FNBP1: variants seen among roughly 807,000 people sequenced by gnomAD.
FNBP1 encodes the protein formin binding protein 1.
FNBP1 carries 26 observed loss-of-function variants against 90.6 expected under a neutral mutation model. The observed-to-expected ratio is 0.29, with a 90% CI of 0.21 to 0.40. The LOEUF (loss-of-function observed/expected upper bound fraction) is 0.40. Among genes scored for constraint, FNBP1 ranks in the 10% least tolerant of loss-of-function variants. The pLI is 1.00. For missense variants in FNBP1, 635 were observed against 768.0 expected (o/e 0.83, Z 2.05); for synonymous variants, 260 against 265.2 (o/e 0.98, Z 0.19).
chr9:130,019,299 CAAAA>C (rs377349862), intron 1 of FNBP1, among the ~76,000 whole-genome samples: 2 of 79,180 alleles, frequency 2.5e-5, no homozygotes, highest in Non-Finnish European at 2.6e-5. Flanking sequence ...GACTCTGTCT[CAAAA>C]AAAAAAAAAA....
chr9:130,033,229 C>T (rs535324427), intron 1 of FNBP1, among the ~76,000 whole-genome samples: 1 of 152,264 alleles, frequency 6.6e-6, no homozygotes, highest in African/African-American at 2.4e-5. Flanking sequence ...AAGCATCATA[C>T]CATACTTTAT....
intron 11 of FNBP1, chr9:129,910,024 C>A (rs991897770): frequency 5.0e-6 from 2 of 396,384 alleles, no homozygotes; most frequent in African/African-American, 2.1e-5. Context: ...ATTTTGATAT[C>A]TTGATTCCCT....
chr9:129,986,663 G>A (rs1227344880), intron 2 of FNBP1, among the ~76,000 whole-genome samples: 3 of 151,878 alleles, frequency 2.0e-5, no homozygotes, highest in East Asian at 1.9e-4. Context: ...GGTGGCGGGC[G>A]CCTGTAGTCC....
chr9:129,917,156 G>A (rs2040387970), intron 10 of FNBP1, among the ~76,000 whole-genome samples: 1 of 152,046 alleles, frequency 6.6e-6, no homozygotes, highest in African/African-American at 2.4e-5. Context: ...GGGATTACAG[G>A]TGCCTGCCAC....
At chr9:130,010,578 C>T (rs988159715) in intron 1 of FNBP1, among the ~76,000 whole-genome samples, 3 of 152,030 alleles carry the variant, frequency 2.0e-5, no homozygotes, top group African/African-American at 7.2e-5. Flanking sequence ...CTTTACTTGA[C>T]GTGGTCATAG....
intron 1 of FNBP1, chr9:130,013,599 C>G: frequency 2.4e-6 from 1 of 419,976 alleles, no homozygotes. Flanking sequence ...GGTTTAGGAG[C>G]TAGACAATAA....
intron 6 of FNBP1, among the ~76,000 whole-genome samples, chr9:129,930,375 A>C (rs747282137): frequency 1.3e-5 from 2 of 152,078 alleles, no homozygotes; most frequent in African/African-American, 2.4e-5. Flanking sequence ...GAAATCCATG[A>C]ATTTTTAAAC....
At chr9:129,962,926 A>G (rs2048032783) in intron 4 of FNBP1, among the ~76,000 whole-genome samples, 1 of 152,110 alleles carries the variant, frequency 6.6e-6, no homozygotes, top group Admixed American at 6.5e-5. Flanking sequence ...ATTTCAAACC[A>G]TCTGGGCTCA....
At chr9:129,983,257 G>C (rs1489421391) in intron 2 of FNBP1, among the ~76,000 whole-genome samples, 7 of 152,104 alleles carry the variant, frequency 4.6e-5, no homozygotes, top group Admixed American at 4.6e-4. Flanking sequence ...CCTTGTAGGT[G>C]ATATACTGAA....
intron 6 of FNBP1, among the ~76,000 whole-genome samples, chr9:129,941,333 G>T (rs2044293089): frequency 6.6e-6 from 1 of 152,184 alleles, no homozygotes; most frequent in South Asian, 2.1e-4. Context: ...AGGCTGCAGT[G>T]AGCCAAGACT....
chr9:129,907,822 G>A (rs1043484638), intron 12 of FNBP1, among the ~76,000 whole-genome samples: 4 of 151,972 alleles, frequency 2.6e-5, no homozygotes, highest in Admixed American at 6.6e-5. Context: ...TCCGCCTCCC[G>A]GGTTCATGCC....
chr9:129,954,775 T>A (rs2046662802), intron 6 of FNBP1, among the ~76,000 whole-genome samples: 1 of 152,176 alleles, frequency 6.6e-6, no homozygotes, highest in South Asian at 2.1e-4. Flanking sequence ...GGCTGGTGGA[T>A]CACCTGAGGT....
chr9:129,986,903 A>T (rs1043128347), intron 2 of FNBP1, among the ~76,000 whole-genome samples: 1 of 152,126 alleles, frequency 6.6e-6, no homozygotes, highest in Non-Finnish European at 1.5e-5. Flanking sequence ...AAACATTCAG[A>T]CATAATCAAA....
rs1491234955 is a variant in FNBP1, at chr9:129,889,586, A to AAG, written c.*952_*953insCT. ...CTCCCGTCTCAAAAAAAAAAAAAAA[A>AAG]CAACAACAAAAAAGGAAGTGCTACC... is the stretch of plus-strand genomic sequence containing the variant. On this transcript the variant is annotated 3_prime_UTR_variant, in exon 17 of 17. Coordinates refer to ENST00000446176, the MANE Select transcript of FNBP1 (RefSeq NM_015033.3). The AAG allele has an allele frequency of 2.4e-5, 5 of 208,432 alleles. No homozygotes were observed. The East Asian group carries it at 3.5e-4, about 14-fold the overall frequency. The allele number at this position is 208,432 out of a possible 1,614,324, so 12.9% of individuals were successfully genotyped here.
At chr9:130,005,148 A>G (rs2131544599) in intron 1 of FNBP1, among the ~76,000 whole-genome samples, 1 of 151,168 alleles carries the variant, frequency 6.6e-6, no homozygotes, top group African/African-American at 2.4e-5. Context: ...AGGCAGGAGA[A>G]TCACTTGAAC....
rs1654122925 is a variant in FNBP1, at chr9:129,966,190, G to A, written c.346-7637C>T. On this transcript the variant is annotated intron_variant, in intron 4 of 16. Coordinates refer to ENST00000446176, the MANE Select transcript of FNBP1 (RefSeq NM_015033.3). The surrounding 1 kb of genome is among the most constrained non-coding windows in gnomAD (Gnocchi z 4.3). ...GCTATTTTAGACAAGGGCAGTCTGG[G>A]ATGACATTTGAGTAGAGACTTGCAT... 6.6e-6 allele frequency among the ~76,000 whole-genome samples: 1 copy of A among 152,226 alleles called. No homozygotes were observed. Among genetic ancestry groups the A allele is most frequent in the Non-Finnish European group, 1.5e-5 (1 of 68,052 alleles).
chr9:129,960,391 A>C (rs1020201565), intron 4 of FNBP1, among the ~76,000 whole-genome samples: 18 of 147,682 alleles, frequency 1.2e-4, no homozygotes, highest in Non-Finnish European at 2.1e-4. Context: ...CTCAAAAAAA[A>C]AAAAAAAAAA....
chr9:130,019,803 G>A (rs942588961), intron 1 of FNBP1, among the ~76,000 whole-genome samples: 2 of 151,968 alleles, frequency 1.3e-5, no homozygotes, highest in African/African-American at 4.8e-5. Flanking sequence ...CATCACCCAG[G>A]TTGGAGTGCC....
chr9:130,051,297 A>G, the FNBP1 span, among the ~76,000 whole-genome samples: 1 of 152,032 alleles, frequency 6.6e-6, no homozygotes, highest in Admixed American at 6.6e-5. Context: ...TTGGCCTCCC[A>G]AAGTGCTGGG....
Sources: allele counts gnomAD v4.1 joint callset (sites outside exome capture counted in the v4.1 genomes callset), GRCh38; gene constraint gnomAD v4.1.1; non-coding constraint Gnocchi (gnomAD v3.1); transcripts MANE v1.5; gene names NCBI Gene and HGNC (gene_info 2026-07-23, HGNC 2026-07-21).